Variants in NBAS observed in about 807,000 individuals in gnomAD.
The protein encoded by NBAS is NAG/BC035112 fusion.
Under a neutral mutation model 302.5 loss-of-function variants are expected in NBAS, and 219 were observed. The observed-to-expected ratio is 0.72, with a 90% CI of 0.65 to 0.81. The LOEUF is 0.81. Ranked by LOEUF, NBAS falls within the 30% of genes least tolerant of loss-of-function variation. NBAS has a pLI of 0.00. For missense variants in NBAS, 2,932 were observed against 2,841.6 expected, an observed-to-expected ratio of 1.03 and a Z score of -0.72; for synonymous variants, 1,118 against 1,021.6, an observed-to-expected ratio of 1.09 and a Z score of -1.80.
At chr2:15,263,312 T>G (rs140828243) in intron 44 of NBAS, among the ~76,000 whole-genome samples, 2 of 152,314 alleles carry the variant, frequency 1.3e-5, no homozygotes, top group East Asian at 1.9e-4. Flanking sequence ...CAGGCTGGTC[T>G]TGAACTCCTG....
the NBAS span, among the ~76,000 whole-genome samples, chr2:15,023,632 G>A: frequency 6.7e-6 from 1 of 148,970 alleles, no homozygotes; most frequent in African/African-American, 2.5e-5. Context: ...ATGGGTATAA[G>A]ATTATATCTT....
chr2:14,948,199 T>C, the NBAS span, among the ~76,000 whole-genome samples: 1 of 152,102 alleles, frequency 6.6e-6, no homozygotes, highest in African/African-American at 2.4e-5. Context: ...CTGGTTTTAA[T>C]ATCACTAATG....
At chr2:15,533,673 G>GGTGTGTGTGTGTGT (rs1220581737) in intron 9 of NBAS, among the ~76,000 whole-genome samples, 8 of 130,676 alleles carry the variant, frequency 6.1e-5, no homozygotes, top group Non-Finnish European at 7.9e-5. Context: ...GACTTCGGGG[G>GGTGTGTGTGTGTGT]GTGTGCGTGT....
In NBAS at chr2:15,374,596, T is replaced by C. The variant is rs763747664; in HGVS notation, c.3703+12A>G. On this transcript the variant is annotated intron_variant, in intron 31 of 51. Transcript: ENST00000281513. ...AAGTTAGTAACAATGCAACAGTAAG[T>C]AGAAAACTCACCTTGCAAAGGCAGG... is the stretch of plus-strand genomic sequence containing the variant. 8 of 1,599,718 alleles carry C rather than the reference T, an allele frequency of 5.0e-6. No individual in the cohort carries two copies. The highest frequency in any genetic ancestry group is 3.3e-5 in the Admixed American group (2 of 59,978).
At chr2:15,463,687 T>C (rs555614397) in intron 19 of NBAS, among the ~76,000 whole-genome samples, 14 of 149,630 alleles carry the variant, frequency 9.4e-5, no homozygotes, top group African/African-American at 3.4e-4. Context: ...GAACACAAGC[T>C]ATGAAGTCAC....
intron 41 of NBAS, among the ~76,000 whole-genome samples, chr2:15,291,172 T>C (rs954035865): frequency 6.6e-6 from 1 of 152,212 alleles, no homozygotes; most frequent in African/African-American, 2.4e-5. Context: ...CAATGGGTTG[T>C]AGGGGAGGCC....
At chr2:14,995,201 C>T in the NBAS span, among the ~76,000 whole-genome samples, 1 of 152,116 alleles carries the variant, frequency 6.6e-6, no homozygotes, top group African/African-American at 2.4e-5. Flanking sequence ...CTAATACTAT[C>T]CCTCCCCCCT....
At chr2:15,540,661 T>C (rs1663766251) in intron 6 of NBAS, among the ~76,000 whole-genome samples, 1 of 152,056 alleles carries the variant, frequency 6.6e-6, no homozygotes, top group Non-Finnish European at 1.5e-5. Flanking sequence ...ATATACCTAA[T>C]AACCCACTCA....
the NBAS span, among the ~76,000 whole-genome samples, chr2:14,828,530 A>G: frequency 2.0e-5 from 3 of 152,212 alleles, no homozygotes; most frequent in African/African-American, 7.2e-5. Context: ...TCTAGGCTCA[A>G]TGGGAAGCCT....
the NBAS span, among the ~76,000 whole-genome samples, chr2:14,953,362 C>T: frequency 6.6e-5 from 10 of 152,312 alleles, no homozygotes; most frequent in Admixed American, 6.5e-4. Flanking sequence ...TATCAAAAGA[C>T]ATCAGGAAAG....
At chr2:15,128,777 G>A in the NBAS span, among the ~76,000 whole-genome samples, 1 of 152,214 alleles carries the variant, frequency 6.6e-6, no homozygotes, top group Non-Finnish European at 1.5e-5. Context: ...CTGAGGCAAA[G>A]TTTGGCGGGG....
At chr2:15,210,529 TAAATTAGTACAA>T (rs1666357839) in intron 48 of NBAS, among the ~76,000 whole-genome samples, 1 of 152,170 alleles carries the variant, frequency 6.6e-6, no homozygotes, top group Admixed American at 6.5e-5. Context: ...GGTTGGAATG[TAAATTAGTACAA>T]AAACTATGGA....
the NBAS span, among the ~76,000 whole-genome samples, chr2:15,090,116 G>A: frequency 6.6e-6 from 1 of 152,162 alleles, no homozygotes; most frequent in Non-Finnish European, 1.5e-5. Flanking sequence ...CCCAAAAGAT[G>A]TCAGCTCAGC....
At chr2:15,189,697 G>T (rs1283476950) in intron 49 of NBAS, among the ~76,000 whole-genome samples, 3 of 152,156 alleles carry the variant, frequency 2.0e-5, no homozygotes, top group African/African-American at 7.2e-5. Flanking sequence ...TGTGACAGAG[G>T]AAACAACAGG....
At chr2:15,162,130 CAGG>C (rs1663913628), downstream of NBAS, among the ~76,000 whole-genome samples, 1 of 151,714 alleles carries the variant, frequency 6.6e-6, no homozygotes, top group South Asian at 2.1e-4. Flanking sequence ...TCGTATTAGC[CAGG>C]CCAGCTCTCA....
At chr2:15,331,366 G>A (rs923640244) in intron 35 of NBAS, among the ~76,000 whole-genome samples, 1 of 152,204 alleles carries the variant, frequency 6.6e-6, no homozygotes, top group African/African-American at 2.4e-5. Context: ...ATTCCACGAG[G>A]AGAAAATGTC....
intron 9 of NBAS, among the ~76,000 whole-genome samples, chr2:15,531,771 T>C (rs1663226561): frequency 3.9e-5 from 6 of 152,172 alleles, no homozygotes; most frequent in Admixed American, 3.9e-4. Context: ...TAGAATACTC[T>C]TCCCCCAGAT....
intron 10 of NBAS, 97 bp from the exon 11 acceptor site, chr2:15,504,310 G>T (rs1029325725): frequency 9.9e-7 from 1 of 1,009,670 alleles, no homozygotes; most frequent in Non-Finnish European, 1.5e-6. Flanking sequence ...AGCAAATCTA[G>T]TATTTTTTTA....
intron 11 of NBAS, among the ~76,000 whole-genome samples, chr2:15,491,343 A>G (rs916712790): frequency 6.6e-6 from 1 of 152,248 alleles, no homozygotes; most frequent in Non-Finnish European, 1.5e-5. Flanking sequence ...GTGAACAAAC[A>G]GGCCTTGCTA....
Sources: gnomAD v4.1 joint callset for allele counts (sites outside exome capture counted in the v4.1 genomes callset) on GRCh38, gnomAD v4.1.1 for gene constraint, MANE v1.5 for transcripts, NCBI Gene and HGNC (gene_info 2026-07-23, HGNC 2026-07-21) for gene names.